Variants in HECTD2 observed in about 807,000 individuals in gnomAD.
The protein encoded by HECTD2 is probable E3 ubiquitin-protein ligase HECTD2.
A neutral mutation model predicts 103.2 loss-of-function variants in HECTD2; 35 were observed. The ratio of observed to expected loss-of-function variants is 0.34; its 90% CI spans 0.26 to 0.45. The LOEUF (loss-of-function observed/expected upper bound fraction) is 0.45, where lower values mean the gene tolerates loss of function less well. Among genes scored for constraint, HECTD2 ranks in the 20% least tolerant of loss-of-function variants. The pLI is 1.00. For missense variants in HECTD2, 596 were observed against 937.4 expected (o/e 0.64, Z 4.76); for synonymous variants, 281 against 329.9 (o/e 0.85, Z 1.61).
intron 7 of HECTD2, 30 bp downstream of exon 7, chr10:91,481,169 T>G: frequency 7.8e-7 from 1 of 1,275,340 alleles, no homozygotes; most frequent in Non-Finnish European, 1.1e-6. Context: ...GTTGAAGTTG[T>G]CTAAGTCAGA....
chr10:91,492,698 T>G (rs915542775), intron 13 of HECTD2, among the ~76,000 whole-genome samples: 2 of 152,168 alleles, frequency 1.3e-5, no homozygotes, highest in Admixed American at 6.5e-5. Flanking sequence ...CTACACAAAA[T>G]GTATCAAGAT....
At chr10:91,409,938 T>C (rs989840032), upstream of HECTD2, among the ~76,000 whole-genome samples, 1 of 152,150 alleles carries the variant, frequency 6.6e-6, no homozygotes, top group Non-Finnish European at 1.5e-5. Context: ...CGTCCTGCCC[T>C]ACTGGTACCA....
chr10:91,469,421 C>T (rs1340187114), intron 5 of HECTD2, among the ~76,000 whole-genome samples: 4 of 152,216 alleles, frequency 2.6e-5, no homozygotes, highest in Non-Finnish European at 5.9e-5. Flanking sequence ...AGAAACCCTT[C>T]AAGACAGAAG....
At chr10:91,460,686 C>A in intron 3 of HECTD2, 121 bp downstream of exon 3, 1 of 846,662 alleles carries the variant, frequency 1.2e-6, no homozygotes, top group Non-Finnish European at 1.7e-6. Flanking sequence ...CCAAGAGGAC[C>A]TCAAAAGACT....
chr10:91,428,611 T>C (rs970978813), intron 2 of HECTD2, among the ~76,000 whole-genome samples: 1 of 152,158 alleles, frequency 6.6e-6, no homozygotes, highest in African/African-American at 2.4e-5. Context: ...TAAGTTGGAT[T>C]CCTAAGTATT....
rs545610802 is a variant in HECTD2, at chr10:91,505,303, C to T, written c.2210+3969C>T. On this transcript the variant is annotated intron_variant, in intron 20 of 20. Coordinates refer to ENST00000298068, the MANE Select transcript of HECTD2 (RefSeq NM_182765.6). ...ACTTTAAATGTAAATGGACTAAATG[C>T]TCCAATTAAAAGACACAGACTGGCA... Among the ~76,000 whole-genome samples, 118 of 151,676 alleles carry T rather than the reference C, an allele frequency of 7.8e-4. 1 individual carries two copies. The East Asian group carries it at 0.017, about 22-fold the overall frequency.
chr10:91,502,300 A>C (rs144377481), intron 20 of HECTD2, among the ~76,000 whole-genome samples: 126 of 152,256 alleles, frequency 8.3e-4, no homozygotes, highest in African/African-American at 2.9e-3. Flanking sequence ...TTCTTCCTCC[A>C]TGCTTTCAAG....
chr10:91,455,838 C>T (rs1470761684), intron 2 of HECTD2, among the ~76,000 whole-genome samples: 5 of 151,974 alleles, frequency 3.3e-5, no homozygotes, highest in Non-Finnish European at 7.4e-5. Flanking sequence ...GAATCCTTTC[C>T]CTATTTCTTG....
rs1277331557 is a variant in HECTD2 at position 91,513,381 on chromosome 10, A to G, written c.*997A>G. 1 of 152,658 alleles carries G rather than the reference A, an allele frequency of 6.6e-6. No homozygotes were observed. Among genetic ancestry groups the G allele is most frequent in the Non-Finnish European group, 1.5e-5 (1 of 68,032 alleles). The allele number at this position is 152,658 out of a possible 1,614,324, so 9.5% of individuals were successfully genotyped here. The stretch of plus-strand genomic sequence containing the variant: ...TGAAAAAGATAGGTTAAAGTATTTG[A>G]CAAAAGTGAATACAATAATAACACT... On this transcript the variant is annotated 3_prime_UTR_variant, in exon 21 of 21. Transcript: ENST00000298068.
chr10:91,496,261 C>T lies in HECTD2; in HGVS notation c.1569C>T (p.Phe523=). 6.2e-7 allele frequency: 1 copy of T among 1,612,688 alleles called. No homozygotes were observed. Among genetic ancestry groups the T allele is most frequent in the Non-Finnish European group, 8.5e-7 (1 of 1,178,914 alleles). Reference sequence around the variant, plus strand: ...ACAGCATCACCTTGGATATTCGTTTCCCTCCCTGCTGTTACAAGAAATTAT... The same window carrying T: ...ACAGCATCACCTTGGATATTCGTTTTCCTCCCTGCTGTTACAAGAAATTAT... ...VYNSITLDIR[F]PPCCYKKLLS... is the part of the protein sequence containing the mutation. Residue 523 remains phenylalanine, a synonymous_variant, in exon 15 of 21, where the codon TTC becomes TTT. Coordinates refer to ENST00000298068, the MANE Select transcript of HECTD2 (RefSeq NM_182765.6).
intron 20 of HECTD2, among the ~76,000 whole-genome samples, chr10:91,510,657 A>G (rs902600825): frequency 6.6e-6 from 1 of 152,230 alleles, no homozygotes; most frequent in Admixed American, 6.5e-5. Flanking sequence ...TGGCATAAAA[A>G]TAAGTTGTGT....
At chr10:91,446,156 G>T in intron 2 of HECTD2, among the ~76,000 whole-genome samples, 1 of 151,704 alleles carries the variant, frequency 6.6e-6, no homozygotes, top group Middle Eastern at 3.4e-3. Flanking sequence ...TGCCCCTCTG[G>T]GACAAAGCTT....
In HECTD2 at chr10:91,428,360, G is replaced by A. The variant is rs1418586570; in HGVS notation, c.268+2950G>A. ...GCTTAGGATTGACTTGGCGATGCGG[G>A]CTCTTTTTTGGTTCCATATGAACTT... On this transcript the variant is annotated intron_variant, in intron 2 of 20. Transcript: ENST00000298068. 7.9e-4 allele frequency among the ~76,000 whole-genome samples: 119 copies of A among 150,782 alleles called. 1 individual carries two copies. The highest frequency in any genetic ancestry group is 2.2e-3 in the Admixed American group (33 of 15,202).
At chr10:91,424,556 T>G (rs1843483964) in intron 1 of HECTD2, among the ~76,000 whole-genome samples, 1 of 152,170 alleles carries the variant, frequency 6.6e-6, no homozygotes, top group Admixed American at 6.6e-5. Context: ...CTCTATAGTT[T>G]AATCTTGCGC....
chr10:91,420,292 A>G (rs905251683), intron 1 of HECTD2, among the ~76,000 whole-genome samples: 6 of 151,992 alleles, frequency 3.9e-5, no homozygotes, highest in South Asian at 2.1e-4. Context: ...AAAAAAAAAA[A>G]AAAGAAAATC....
At chr10:91,494,808 ATATGTTCATACATATATGT>A (rs557891536) in intron 14 of HECTD2, among the ~76,000 whole-genome samples, 1 of 152,134 alleles carries the variant, frequency 6.6e-6, no homozygotes, top group African/African-American at 2.4e-5. Flanking sequence ...TGAGCTATTT[ATATGTTCATACATATATGT>A]TTGTCATGCT....
At chr10:91,464,974 T>C (rs977384475) in intron 5 of HECTD2, among the ~76,000 whole-genome samples, 16 of 152,254 alleles carry the variant, frequency 1.1e-4, no homozygotes, top group African/African-American at 3.9e-4. Flanking sequence ...ATGAACACTA[T>C]AACCATATTT....
chr10:91,472,969 A>G (rs1845779085), intron 5 of HECTD2, among the ~76,000 whole-genome samples: 1 of 152,204 alleles, frequency 6.6e-6, no homozygotes, highest in African/African-American at 2.4e-5. Flanking sequence ...GATAAACTAT[A>G]AAAATAATAA....
chr10:91,485,996 C>T (rs1846253844), intron 10 of HECTD2: 1 of 152,050 alleles, frequency 6.6e-6, no homozygotes, highest in Non-Finnish European at 1.5e-5. Flanking sequence ...CACTTTATAT[C>T]CACACTTCTA....
Sources: gnomAD v4.1 joint callset for allele counts (sites outside exome capture counted in the v4.1 genomes callset) on GRCh38, gnomAD v4.1.1 for gene constraint, MANE v1.5 for transcripts, NCBI Gene and HGNC (gene_info 2026-07-23, HGNC 2026-07-21) for gene names.